The following CTNNA3 variants were observed in gnomAD, a reference collection of about 807,000 sequenced individuals.
CTNNA3 encodes catenin alpha 3.
CTNNA3 carries 76 observed loss-of-function variants against 95.7 expected under a neutral mutation model. That is an observed-to-expected ratio of 0.79 (90% CI 0.66 to 0.96). CTNNA3 has a LOEUF of 0.96. Among genes scored for constraint, CTNNA3 ranks in the 40% least tolerant of loss-of-function variants. CTNNA3 has a pLI of 0.00. For missense variants in CTNNA3, 1,191 were observed against 1,089.8 expected (o/e 1.09, Z -1.31); for synonymous variants, 431 against 374.4 (o/e 1.15, Z -1.74).
Position 67,119,805 on chromosome 10 carries a change from T to C in CTNNA3, c.1047+60512A>G, listed in dbSNP as rs139107690. Among the ~76,000 whole-genome samples the C allele has an allele frequency of 1.1e-3, 170 of 151,982 alleles. 1 individual carries two copies. The highest frequency in any genetic ancestry group is 3.9e-3 in the African/African-American group (164 of 41,546). On this transcript the variant is annotated intron_variant, in intron 7 of 17. Transcript: ENST00000433211. ...CATCTCTGGGGGAGTAAACTCATTC[T>C]CTAAGGTATGTGACACATCGTATTT...
At chr10:66,624,554 C>T (rs1844866159) in intron 9 of CTNNA3, among the ~76,000 whole-genome samples, 1 of 152,076 alleles carries the variant, frequency 6.6e-6, no homozygotes, top group Admixed American at 6.6e-5. Flanking sequence ...AACATTGAGT[C>T]TAGATTGAAC....
At chr10:67,439,691 G>A (rs536586563) in intron 5 of CTNNA3, among the ~76,000 whole-genome samples, 4 of 152,050 alleles carry the variant, frequency 2.6e-5, no homozygotes, top group South Asian at 2.1e-4. Flanking sequence ...ATTCCAGTCC[G>A]TAGCTCCTGG....
intron 7 of CTNNA3, among the ~76,000 whole-genome samples, chr10:66,799,573 G>A (rs561285207): frequency 2.6e-5 from 4 of 151,654 alleles, no homozygotes; most frequent in South Asian, 4.1e-4. Context: ...GCATTGTGGT[G>A]AGGAGAGGGA....
intron 17 of CTNNA3, among the ~76,000 whole-genome samples, chr10:65,937,600 T>C (rs2077362794): frequency 6.6e-6 from 1 of 152,118 alleles, no homozygotes; most frequent in Non-Finnish European, 1.5e-5. Flanking sequence ...CAAGTAGTGA[T>C]CATGACCAGT....
chr10:66,197,174 T>G (rs2087012367), intron 13 of CTNNA3, among the ~76,000 whole-genome samples: 1 of 151,068 alleles, frequency 6.6e-6, no homozygotes, highest in Non-Finnish European at 1.5e-5. Flanking sequence ...ATCTCTAGAG[T>G]TTTTTTACAT....
At chr10:66,607,039 T>C (rs902388110) in intron 10 of CTNNA3, among the ~76,000 whole-genome samples, 1 of 152,032 alleles carries the variant, frequency 6.6e-6, no homozygotes, top group Non-Finnish European at 1.5e-5. Flanking sequence ...CTAGCTAGAC[T>C]ATCAAAGAAG....
At chr10:66,024,752 C>T (rs765126743) in intron 15 of CTNNA3, among the ~76,000 whole-genome samples, 4 of 152,150 alleles carry the variant, frequency 2.6e-5, no homozygotes, top group Non-Finnish European at 5.9e-5. Flanking sequence ...AATGATGAAA[C>T]TAATCTATGA....
chr10:66,816,404 A>AT (rs201349424), intron 7 of CTNNA3, among the ~76,000 whole-genome samples: 3 of 152,092 alleles, frequency 2.0e-5, no homozygotes, highest in East Asian at 1.9e-4. Flanking sequence ...CGACTAATGG[A>AT]TTTTTAAAAA....
chr10:67,203,248 T>C (rs12259941), intron 6 of CTNNA3, among the ~76,000 whole-genome samples: 7,463 of 152,262 alleles, frequency 0.049, 546 homozygotes, highest in African/African-American at 0.16. Flanking sequence ...ACTGTTCTCC[T>C]GGTAGTGAAT....
chr10:66,656,971 C>G (rs1356817154), intron 9 of CTNNA3, among the ~76,000 whole-genome samples: 1 of 152,110 alleles, frequency 6.6e-6, no homozygotes, highest in African/African-American at 2.4e-5. Flanking sequence ...TGTCCCCACA[C>G]TTCATACTCT....
At chr10:67,516,121 C>T (rs1367945868) in intron 5 of CTNNA3, among the ~76,000 whole-genome samples, 7 of 152,052 alleles carry the variant, frequency 4.6e-5, no homozygotes, top group Non-Finnish European at 7.4e-5. Context: ...TGCCACCATG[C>T]CCGGCTAATT....
At chr10:66,130,206 G>A (rs1589493726) in intron 13 of CTNNA3, among the ~76,000 whole-genome samples, 1 of 152,266 alleles carries the variant, frequency 6.6e-6, no homozygotes, top group East Asian at 1.9e-4. Context: ...CTGGGACATA[G>A]CTAAAGCAGT....
chr10:65,971,686 C>T (rs1249057768), intron 16 of CTNNA3, among the ~76,000 whole-genome samples: 2 of 151,768 alleles, frequency 1.3e-5, no homozygotes, highest in African/African-American at 2.4e-5. Flanking sequence ...AAAACACCCA[C>T]CACCAACAAC....
intron 13 of CTNNA3, among the ~76,000 whole-genome samples, chr10:66,227,888 G>T (rs2089398105): frequency 6.6e-6 from 1 of 152,048 alleles, no homozygotes; most frequent in African/African-American, 2.4e-5. Flanking sequence ...AATTCTTCCT[G>T]GTTCAGTCTT....
intron 2 of CTNNA3, among the ~76,000 whole-genome samples, chr10:67,608,115 A>C (rs1289002433): frequency 2.6e-5 from 4 of 152,264 alleles, no homozygotes; most frequent in African/African-American, 7.2e-5. Flanking sequence ...GAGAGGCCAA[A>C]TGAGTTAGGG....
intron 17 of CTNNA3, among the ~76,000 whole-genome samples, chr10:65,941,209 T>G (rs1490554289): frequency 6.6e-6 from 1 of 152,194 alleles, no homozygotes; most frequent in Non-Finnish European, 1.5e-5. Flanking sequence ...ATCCTCATTT[T>G]ACAGATGAAG....
chr10:67,372,725 A>G (rs941644419), intron 5 of CTNNA3, among the ~76,000 whole-genome samples: 3 of 152,210 alleles, frequency 2.0e-5, no homozygotes, highest in African/African-American at 7.2e-5. Flanking sequence ...GCAGCCAGAG[A>G]GAAAGGTCGG....
At chr10:67,691,335 A>T (rs1293377225) in intron 1 of CTNNA3, among the ~76,000 whole-genome samples, 1 of 150,702 alleles carries the variant, frequency 6.6e-6, no homozygotes, top group Admixed American at 6.6e-5. Flanking sequence ...AGTGAGGAGC[A>T]TCTCCGCCTG....
intron 11 of CTNNA3, among the ~76,000 whole-genome samples, chr10:66,496,313 T>A (rs984682145): frequency 6.7e-6 from 1 of 149,506 alleles, no homozygotes; most frequent in Non-Finnish European, 1.5e-5. Flanking sequence ...ACTGAACTAT[T>A]GGGTACACAA....
Sources: gnomAD v4.1 joint callset for allele counts (sites outside exome capture counted in the v4.1 genomes callset) on GRCh38, gnomAD v4.1.1 for gene constraint, MANE v1.5 for transcripts, NCBI Gene and HGNC (gene_info 2026-07-23, HGNC 2026-07-21) for gene names.